Variants in SSC4D observed in about 807,000 individuals in gnomAD.
SSC4D encodes the protein scavenger receptor cysteine-rich domain-containing group B protein.
SSC4D carries 57 observed loss-of-function variants against 63.4 expected under a neutral mutation model. The observed-to-expected ratio is 0.90, with a 90% CI of 0.73 to 1.12. SSC4D has a LOEUF of 1.12. SSC4D is among the 50% of genes most tolerant of loss of function. The pLI is 0.00. For missense variants in SSC4D, 791 were observed against 806.4 expected (o/e 0.98, Z 0.23); for synonymous variants, 352 against 345.4 (o/e 1.02, Z -0.21).
chr7:76,390,126 T>G lies in SSC4D; in HGVS notation c.1661A>C (p.His554Pro). The G allele has an allele frequency of 6.2e-7, 1 of 1,614,154 alleles. No individual in the cohort carries two copies. The highest frequency in any genetic ancestry group is 1.1e-5 in the South Asian group (1 of 91,080). The stretch of plus-strand genomic sequence containing the variant: ...ACAGTTGTGGGCATCCCAGCGGATA[T>G]GAGAGCAGAGCAGCAGAGCACTTTC... ...GEESALLLCS[H>P]IRWDAHNCDH... is the part of the protein sequence containing the mutation. The change falls in exon 11 of 11, where the codon CAT becomes CCT. Residue 554 changes from histidine (H) to proline (P), a missense_variant. By Grantham distance (77) the His-to-Pro change is moderately conservative. Transcript: ENST00000275560.
intron 10 of SSC4D, among the ~76,000 whole-genome samples, 181 bp from the exon 11 acceptor site, chr7:76,390,556 G>C (rs546851524): frequency 6.6e-6 from 1 of 152,234 alleles, no homozygotes; most frequent in Non-Finnish European, 1.5e-5. Flanking sequence ...AATGGCTCAC[G>C]CCTGTAATTC....
chr7:76,409,066 G>C (rs1805142521), intron 1 of SSC4D, among the ~76,000 whole-genome samples: 1 of 152,156 alleles, frequency 6.6e-6, no homozygotes, highest in African/African-American at 2.4e-5. Flanking sequence ...GCCCACTCTA[G>C]GTGTGGTAGC....
At chr7:76,405,323 T>TTTTTCTTTCTTTCTTTCTTTC (rs1563687069) in intron 1 of SSC4D, among the ~76,000 whole-genome samples, 1 of 29,174 alleles carries the variant, frequency 3.4e-5, no homozygotes, top group Non-Finnish European at 5.9e-5. Context: ...ATATGTATTT[T>TTTTTCTTTCTTTCTTTCTTTC]TTTCTTTCTT....
At chr7:76,408,559 G>T (rs1006822023) in intron 1 of SSC4D, among the ~76,000 whole-genome samples, 33 of 152,108 alleles carry the variant, frequency 2.2e-4, no homozygotes, top group African/African-American at 8.0e-4. Context: ...CAGAGACCCT[G>T]CCAGGAATCC....
intron 9 of SSC4D, among the ~76,000 whole-genome samples, chr7:76,392,607 A>G (rs1804516700): frequency 6.6e-6 from 1 of 151,532 alleles, no homozygotes; most frequent in South Asian, 2.1e-4. Context: ...CCTGGGCAAC[A>G]CAGTGAGACC....
Position 76,395,306 on chromosome 7 carries a change from G to A in SSC4D, c.893C>T (p.Ala298Val). Residue 298 changes from alanine (A) to valine (V), a missense_variant, in exon 7 of 11, where the codon GCA becomes GTA. Transcript: ENST00000275560. ...CTCTCTTGTGGCTGAGGATGGCAGT[G>A]CTGTGAGCGTTGGGGGACCCAGGCC... ...CAGLGPPTLT[A>V]LPSSATREDW... 1 of 1,613,944 alleles carries A rather than the reference G, an allele frequency of 6.2e-7. No homozygotes were observed. The highest frequency in any genetic ancestry group is 8.5e-7 in the Non-Finnish European group (1 of 1,180,042).
intron 9 of SSC4D, 119 bp downstream of exon 9, chr7:76,393,286 T>C (rs1804535400): frequency 4.6e-6 from 5 of 1,084,826 alleles, no homozygotes; most frequent in African/African-American, 1.6e-5. Context: ...CTCTGCGGAG[T>C]GCGCATGCTC....
Position 76,393,559 on chromosome 7 carries a change from A to G in SSC4D, c.1179T>C (p.Ala393=), listed in dbSNP as rs1804552341. Reference sequence around the variant, plus strand: ...CGTAGCCGAAGTGGCCCAGTCCCGTAGCGCCCAGCGCAGGCCCGCAGCCCG... The same window carrying G: ...CGTAGCCGAAGTGGCCCAGTCCCGTGGCGCCCAGCGCAGGCCCGCAGCCCG... ...REAGCGPALG[A]TGLGHFGYGR... Residue 393 remains alanine, a synonymous_variant, in exon 9 of 11, where the codon GCT becomes GCC. Coordinates refer to ENST00000275560, the MANE Select transcript of SSC4D (RefSeq NM_080744.2). The G allele has an allele frequency of 1.3e-6, 2 of 1,517,528 alleles. No homozygotes were observed. The highest frequency in any genetic ancestry group is 1.8e-6 in the Non-Finnish European group (2 of 1,139,502). 94.0% of individuals were successfully genotyped at this position (1,517,528 alleles called of 1,614,324 possible). A position where few individuals can be genotyped will look rare whatever the true frequency, so the allele number is the denominator to read the frequency against.
At chr7:76,391,327 C>G (rs1966268) in intron 10 of SSC4D, among the ~76,000 whole-genome samples, 7,603 of 151,724 alleles carry the variant, frequency 0.05, 568 homozygotes, top group African/African-American at 0.17. Flanking sequence ...TATAATCCCA[C>G]TTACTGGGGA....
At chr7:76,395,707 T>A (rs1804621002) in intron 6 of SSC4D, among the ~76,000 whole-genome samples, 1 of 152,162 alleles carries the variant, frequency 6.6e-6, no homozygotes, top group African/African-American at 2.4e-5. Context: ...TTTCTTTTTT[T>A]TGAGATGGAG....
intron 5 of SSC4D, among the ~76,000 whole-genome samples, chr7:76,398,058 T>C (rs1804699036): frequency 6.6e-6 from 1 of 152,116 alleles, no homozygotes; most frequent in Non-Finnish European, 1.5e-5. Flanking sequence ...CCTGGCAGCC[T>C]GGGACGTGCT....
chr7:76,408,092 G>A (rs2115823088), intron 1 of SSC4D, among the ~76,000 whole-genome samples: 1 of 152,302 alleles, frequency 6.6e-6, no homozygotes, highest in Admixed American at 6.5e-5. Flanking sequence ...GTAGGAGGCG[G>A]CGGTAGAGAG....
chr7:76,404,524 A>G lies in SSC4D; in HGVS notation c.-66-19T>C, dbSNP rs1804937587. 2 of 1,603,638 alleles carry G rather than the reference A, an allele frequency of 1.2e-6. No individual in the cohort carries two copies. Among genetic ancestry groups the G allele is most frequent in the Non-Finnish European group, 1.7e-6 (2 of 1,175,730 alleles). ...GGAACATCTGAAATTAAAGATCCCA[A>G]ATGTTGCTGGGCCTCCCAGCACTTT... On this transcript the variant is annotated intron_variant, in intron 1 of 10. Transcript: ENST00000275560.
At chr7:76,391,801 A>G (rs1804499032) in intron 10 of SSC4D, among the ~76,000 whole-genome samples, 163 bp downstream of exon 10, 1 of 152,138 alleles carries the variant, frequency 6.6e-6, no homozygotes, top group African/African-American at 2.4e-5. Flanking sequence ...CTTTCTGGAC[A>G]CCATATTCCT....
At chr7:76,393,372 C>A (rs780411833) in intron 9 of SSC4D, 33 bp downstream of exon 9, 4 of 1,314,560 alleles carry the variant, frequency 3.0e-6, no homozygotes, top group Non-Finnish European at 3.9e-6. Context: ...TGCGCGGCCC[C>A]GCTGTCAGCC....
chr7:76,407,505 G>A (rs1185065029), intron 1 of SSC4D, among the ~76,000 whole-genome samples: 1 of 152,046 alleles, frequency 6.6e-6, no homozygotes, highest in Non-Finnish European at 1.5e-5. Context: ...CTAATTGAGG[G>A]AGTATCTCTT....
chr7:76,395,254 G>C lies in SSC4D; in HGVS notation c.945C>G (p.Ser315=). 2 of 1,613,730 alleles carry C rather than the reference G, an allele frequency of 1.2e-6. No homozygotes were observed. Among genetic ancestry groups the C allele is most frequent in the African/African-American group, 1.3e-5 (1 of 75,010 alleles). ...CGCCTGGAGGGCTGAGCTCTTTACC[G>C]GACGGATCTGTCTGCCAAGCCCAGT... ...REDWAWQTDP[S]ATGVGPQPSR... Residue 315 remains serine (S), a splice_region_variant and synonymous_variant, in exon 7 of 11, where the codon TCC becomes TCG. Transcript: ENST00000275560.
At position 76,397,564 on chromosome 7, in the gene SSC4D, A is replaced by G; in HGVS notation, c.822T>C (p.Gly274=). 1.2e-6 allele frequency: 2 copies of G among 1,604,770 alleles called. No individual in the cohort carries two copies. ...CCTCGTGGTGGCCGCAGTTGTGCAC[A>G]CCCCAGCCCAGGCTCTGGCAGGCTG... The part of the protein sequence containing the change: ...RLAACQSLGW[G]VHNCGHHEDA... Residue 274 remains glycine (G), a synonymous_variant, in exon 6 of 11, where the codon GGT becomes GGC. Coordinates refer to ENST00000275560, the MANE Select transcript of SSC4D (RefSeq NM_080744.2).
chr7:76,405,407 C>T (rs1406293270), intron 1 of SSC4D, among the ~76,000 whole-genome samples: 1 of 125,334 alleles, frequency 8.0e-6, no homozygotes, highest in African/African-American at 3.1e-5. Flanking sequence ...GTTTCGAACT[C>T]CTGACCTTAA....
Sources: gnomAD v4.1 joint callset for allele counts (sites outside exome capture counted in the v4.1 genomes callset) on GRCh38, gnomAD v4.1.1 for gene constraint, MANE v1.5 for transcripts, NCBI Gene and HGNC (gene_info 2026-07-23, HGNC 2026-07-21) for gene names.